RNF216: variants seen among roughly 807,000 people sequenced by gnomAD.
RNF216 encodes the protein ring finger protein 216.
Under a neutral mutation model 110.8 loss-of-function variants are expected in RNF216, and 72 were observed. The observed-to-expected ratio is 0.65, with a 90% CI of 0.54 to 0.79. The LOEUF (loss-of-function observed/expected upper bound fraction) is 0.79, where lower values mean the gene tolerates loss of function less well. RNF216 is among the 30% of genes least tolerant of loss of function. The pLI is 0.00. For missense variants in RNF216, 1,342 were observed against 1,141.2 expected, an observed-to-expected ratio of 1.18 and a Z score of -2.54; for synonymous variants, 495 against 407.5, an observed-to-expected ratio of 1.21 and a Z score of -2.59.
chr7:5,676,385 A>T (rs1464934197), intron 13 of RNF216, among the ~76,000 whole-genome samples: 1 of 152,214 alleles, frequency 6.6e-6, no homozygotes, highest in Non-Finnish European at 1.5e-5. Flanking sequence ...AACACAAAAC[A>T]AAGCTGCCCT....
rs1019572292 is a variant in RNF216, at chr7:5,644,130, G to A, written c.2160-2754C>T. Among the ~76,000 whole-genome samples the A allele has an allele frequency of 3.3e-5, 5 of 152,154 alleles. No homozygotes were observed. In the South Asian group the frequency reaches 1.0e-3, roughly 31 times the overall value. On this transcript the variant is annotated intron_variant, in intron 14 of 16. Transcript: ENST00000389902. ...TTTTGCTTTTTGGCTGGTGTGAATT[G>A]TGGTTAAATGAACATTCTTGCACAA...
chr7:5,753,052 CA>C lies in RNF216; in HGVS notation c.68-74del, dbSNP rs574396678. 5.7e-4 allele frequency: 870 copies of C among 1,514,744 alleles called. 8 individuals are homozygous for C. In the South Asian group the frequency reaches 9.0e-3, roughly 16 times the overall value. The allele number at this position is 1,514,744 out of a possible 1,614,324, so 93.8% of individuals were successfully genotyped here. A position where few individuals can be genotyped will look rare whatever the true frequency, so the allele number is the denominator to read the frequency against. On this transcript the variant is annotated intron_variant, in intron 2 of 16. Transcript: ENST00000389902. ...ATCCAACTCTTTAAGTTTTTCCTGA[CA>C]GGGGTACAGCCTAAAGCCAACTTCA... is the stretch of plus-strand genomic sequence containing the variant.
intron 10 of RNF216, among the ~76,000 whole-genome samples, chr7:5,715,945 G>A (rs1222540586): frequency 6.6e-6 from 1 of 151,992 alleles, no homozygotes; most frequent in African/African-American, 2.4e-5. Flanking sequence ...GTTTCACCAC[G>A]TTGACCAGGC....
chr7:5,711,829 A>G lies in RNF216; in HGVS notation c.1993T>C (p.Cys665Arg). The G allele has an allele frequency of 6.2e-7, 1 of 1,613,968 alleles. No individual in the cohort carries two copies. The highest frequency in any genetic ancestry group is 8.5e-7 in the Non-Finnish European group (1 of 1,179,936). Residue 665 changes from cysteine (C) to arginine (R), a missense_variant, in exon 13 of 17, where the codon TGT becomes CGT. By Grantham distance (180) the Cys-to-Arg change is radical (BLOSUM62 -3). Transcript: ENST00000389902. ...YADELVRCPSCSFPALLDSDV... is the reference protein window; with the variant it reads ...YADELVRCPSRSFPALLDSDV... ...CTGTCCAACAGAGCCGGAAAGCTAC[A>G]GGACGGGCACCTAGAGTCAGAACAG...
intron 15 of RNF216, 88 bp downstream of exon 15, chr7:5,641,066 T>C: frequency 1.8e-6 from 2 of 1,092,422 alleles, no homozygotes; most frequent in Non-Finnish European, 2.6e-6. Context: ...CTAAGTCAAA[T>C]TTTGTTACGT....
chr7:5,762,731 G>C (rs1795999144), intron 1 of RNF216, among the ~76,000 whole-genome samples: 1 of 151,956 alleles, frequency 6.6e-6, no homozygotes, highest in African/African-American at 2.4e-5. Context: ...TAAAAATACA[G>C]TATGCGTAAG....
At chr7:5,769,501 C>T (rs1469584588) in intron 1 of RNF216, among the ~76,000 whole-genome samples, 1 of 150,658 alleles carries the variant, frequency 6.6e-6, no homozygotes. Context: ...GGTGGGCGGA[C>T]TGCTTGAGCT....
chr7:5,715,101 T>C lies in RNF216; in HGVS notation c.1785A>G (p.Lys595=). The C allele has an allele frequency of 1.2e-6, 2 of 1,614,000 alleles. No homozygotes were observed. Among genetic ancestry groups the C allele is most frequent in the South Asian group, 2.2e-5 (2 of 91,082 alleles). Residue 595 remains lysine (K), a synonymous_variant, in exon 11 of 17, where the codon AAA becomes AAG. Coordinates refer to ENST00000389902, the MANE Select transcript of RNF216 (RefSeq NM_207111.4). ...TQCADAHLFC[K]ECLIRYAQEA... is the part of the protein sequence containing the mutation. ...CTTGGGCATATCTGATGAGACACTC[T>C]TTGCAGAACAAGTGAGCATCTGCGC...
chr7:5,656,561 CA>C lies in RNF216; in HGVS notation c.2062-4052del, dbSNP rs34782065. 5.8e-4 allele frequency among the ~76,000 whole-genome samples: 88 copies of C among 152,266 alleles called. No individual in the cohort carries two copies. In the South Asian group the frequency reaches 7.7e-3, roughly 13 times the overall value. On this transcript the variant is annotated intron_variant, in intron 13 of 16. Transcript: ENST00000389902. ...AGCAGGCAAGCAGCTCCCGCCCTCT[CA>C]GGGGGGAAGGAGCATGCATGCTGGG...
At chr7:5,640,990 G>A (rs1787699221) in intron 15 of RNF216, among the ~76,000 whole-genome samples, 164 bp downstream of exon 15, 1 of 152,194 alleles carries the variant, frequency 6.6e-6, no homozygotes, top group East Asian at 1.9e-4. Context: ...ATGAGGAGTA[G>A]CTGATAATTA....
chr7:5,676,365 G>T (rs1790297468), intron 13 of RNF216, among the ~76,000 whole-genome samples: 1 of 152,132 alleles, frequency 6.6e-6, no homozygotes, highest in South Asian at 2.1e-4. Flanking sequence ...ATAATTTTAT[G>T]CAAACTTTTA....
intron 2 of RNF216, chr7:5,760,568 T>A: frequency 3.5e-6 from 1 of 289,646 alleles, no homozygotes. Flanking sequence ...AAATACATGT[T>A]CCAAAATTCC....
chr7:5,741,967 A>C, intron 3 of RNF216, 152 bp from the exon 4 acceptor site: 1 of 750,000 alleles, frequency 1.3e-6, no homozygotes, highest in South Asian at 2.0e-5. Flanking sequence ...CTTAACACTG[A>C]AATTTGATTA....
intron 1 of RNF216, among the ~76,000 whole-genome samples, chr7:5,764,764 T>C (rs189997320): frequency 4.6e-5 from 7 of 152,232 alleles, no homozygotes; most frequent in Admixed American, 3.9e-4. Context: ...CCTTAAATTC[T>C]TTTTCAAGAG....
At chr7:5,700,962 C>A (rs972269453) in intron 13 of RNF216, among the ~76,000 whole-genome samples, 1 of 152,154 alleles carries the variant, frequency 6.6e-6, no homozygotes, top group Non-Finnish European at 1.5e-5. Flanking sequence ...TGTTTCTAGG[C>A]CCCTCCTGTA....
intron 3 of RNF216, among the ~76,000 whole-genome samples, chr7:5,743,920 A>C (rs1220062975): frequency 6.6e-6 from 1 of 152,224 alleles, no homozygotes; most frequent in East Asian, 1.9e-4. Flanking sequence ...CAAGAAACCA[A>C]TTAAGATCCT....
At chr7:5,732,046 A>G (rs1421248820) in intron 5 of RNF216, among the ~76,000 whole-genome samples, 1 of 152,018 alleles carries the variant, frequency 6.6e-6, no homozygotes, top group Non-Finnish European at 1.5e-5. Flanking sequence ...CCGCTTCCCT[A>G]CCACCACAGC....
intron 3 of RNF216, among the ~76,000 whole-genome samples, chr7:5,749,579 T>C (rs1053387509): frequency 6.6e-6 from 1 of 152,238 alleles, no homozygotes; most frequent in Non-Finnish European, 1.5e-5. Context: ...TGTGTCATTA[T>C]AATGAACTCT....
At chr7:5,629,194 C>CAAAAAAAAAAAAAAAAAA (rs112745079) in intron 15 of RNF216, among the ~76,000 whole-genome samples, 1 of 82,934 alleles carries the variant, frequency 1.2e-5, no homozygotes. Context: ...GACTCTGTCT[C>CAAAAAAAAAAAAAAAAAA]AAAAAAAAAA....
Sources: gnomAD v4.1 joint callset for allele counts (sites outside exome capture counted in the v4.1 genomes callset) on GRCh38, gnomAD v4.1.1 for gene constraint, MANE v1.5 for transcripts, NCBI Gene and HGNC (gene_info 2026-07-23, HGNC 2026-07-21) for gene names.